ADK: variants seen among roughly 807,000 people sequenced by gnomAD.
ADK encodes the protein adenosine kinase, also known as N6,N6-dimethyladenosine kinase.
A neutral mutation model predicts 44.7 loss-of-function variants in ADK; 24 were observed. The observed-to-expected ratio is 0.54, with a 90% CI of 0.39 to 0.76. ADK has a LOEUF of 0.76. ADK is among the 30% of genes least tolerant of loss of function. ADK has a pLI of 0.00. For missense variants in ADK, 321 were observed against 425.1 expected (o/e 0.76, Z 2.15); for synonymous variants, 128 against 142.6 (o/e 0.90, Z 0.73).
chr10:74,236,341 TC>T (rs1844958304), intron 3 of ADK, among the ~76,000 whole-genome samples: 1 of 152,230 alleles, frequency 6.6e-6, no homozygotes, highest in Non-Finnish European at 1.5e-5. Context: ...TGTATTTTCT[TC>T]TAAGTAGATT....
At chr10:74,224,478 G>C in intron 2 of ADK, 60 bp from the exon 3 acceptor site, 1 of 1,388,306 alleles carries the variant, frequency 7.2e-7, no homozygotes, top group South Asian at 1.2e-5. Context: ...GAAGAGGTCA[G>C]CTAACTTACG....
chr10:74,159,707 C>T (rs1278014547), intron 1 of ADK, among the ~76,000 whole-genome samples: 1 of 152,158 alleles, frequency 6.6e-6, no homozygotes, highest in East Asian at 1.9e-4. Context: ...ACTCTCCTGC[C>T]TCAGCCTCCC....
intron 6 of ADK, among the ~76,000 whole-genome samples, chr10:74,406,674 TTTTTTA>T (rs57668113): frequency 1.3e-4 from 19 of 148,060 alleles, no homozygotes; most frequent in South Asian, 6.4e-4. Flanking sequence ...TTGTCTTTTC[TTTTTTA>T]TTTTTATTTT....
chr10:74,701,202 G>A (rs1397548127), intron 10 of ADK, among the ~76,000 whole-genome samples: 1 of 152,224 alleles, frequency 6.6e-6, no homozygotes, highest in East Asian at 1.9e-4. Flanking sequence ...ATGGGATGAG[G>A]AAAGGCAAGA....
chr10:74,199,084 A>G (rs1441753993), intron 1 of ADK, among the ~76,000 whole-genome samples: 1 of 152,220 alleles, frequency 6.6e-6, no homozygotes. Context: ...GATACATAAT[A>G]AGAGAATTAT....
intron 6 of ADK, among the ~76,000 whole-genome samples, chr10:74,473,219 T>C (rs1399443218): frequency 2.0e-5 from 3 of 148,220 alleles, no homozygotes; most frequent in African/African-American, 5.0e-5. Flanking sequence ...CACACACACA[T>C]ATAGAGAGAG....
intron 7 of ADK, among the ~76,000 whole-genome samples, chr10:74,539,796 C>T (rs920197804): frequency 6.6e-6 from 1 of 152,154 alleles, no homozygotes; most frequent in Non-Finnish European, 1.5e-5. Context: ...GGAACTGTAA[C>T]TTCGTAAAAT....
At chr10:74,559,176 G>A (rs1441024608) in intron 7 of ADK, among the ~76,000 whole-genome samples, 1 of 152,226 alleles carries the variant, frequency 6.6e-6, no homozygotes. Context: ...TGTCAGCACT[G>A]CTCCCTGACG....
At chr10:74,566,453 C>T (rs1321281253) in intron 7 of ADK, among the ~76,000 whole-genome samples, 2 of 152,112 alleles carry the variant, frequency 1.3e-5, no homozygotes, top group Non-Finnish European at 2.9e-5. Flanking sequence ...AGTCCTTCCT[C>T]AGTCTCCCAA....
At chr10:74,525,473 G>A (rs1211219520) in intron 7 of ADK, 47 bp downstream of exon 7, 1 of 1,417,962 alleles carries the variant, frequency 7.1e-7, no homozygotes, top group Non-Finnish European at 9.8e-7. Context: ...TTTTTTGTTT[G>A]TTTATTTCTG....
intron 6 of ADK, among the ~76,000 whole-genome samples, chr10:74,472,188 G>C (rs1351235735): frequency 1.3e-5 from 2 of 152,012 alleles, no homozygotes; most frequent in Non-Finnish European, 2.9e-5. Flanking sequence ...GGGTGATAGA[G>C]CAAGATCCCG....
intron 3 of ADK, among the ~76,000 whole-genome samples, chr10:74,277,043 G>C (rs1381339269): frequency 6.6e-6 from 1 of 151,232 alleles, no homozygotes; most frequent in Non-Finnish European, 1.5e-5. Context: ...TCAGCCTCCG[G>C]AGTAGCTGGG....
intron 3 of ADK, among the ~76,000 whole-genome samples, chr10:74,285,014 C>CT (rs922586769): frequency 6.6e-6 from 1 of 152,134 alleles, no homozygotes; most frequent in African/African-American, 2.4e-5. Context: ...TTTACTGGAA[C>CT]TTTTTTAAGT....
At chr10:74,327,710 A>G (rs2131838571) in intron 4 of ADK, among the ~76,000 whole-genome samples, 2 of 152,216 alleles carry the variant, frequency 1.3e-5, no homozygotes, top group South Asian at 4.2e-4. Context: ...ACATGTAACA[A>G]ACCTGCACAT....
At chr10:74,612,887 C>T (rs1852608124) in intron 9 of ADK, among the ~76,000 whole-genome samples, 2 of 151,982 alleles carry the variant, frequency 1.3e-5, no homozygotes, top group Admixed American at 1.3e-4. Flanking sequence ...ATTGAGTGTC[C>T]TTTCATCACT....
At chr10:74,455,308 A>G (rs962415320) in intron 6 of ADK, among the ~76,000 whole-genome samples, 11 of 152,094 alleles carry the variant, frequency 7.2e-5, no homozygotes, top group African/African-American at 2.7e-4. Context: ...GTTCAAGACC[A>G]GCTTGGGCAA....
At chr10:74,223,615 CTATT>C (rs992916686) in intron 2 of ADK, among the ~76,000 whole-genome samples, 2 of 151,866 alleles carry the variant, frequency 1.3e-5, no homozygotes, top group Non-Finnish European at 2.9e-5. Flanking sequence ...TGTTGTTTAT[CTATT>C]TCTGTGTACC....
intron 4 of ADK, among the ~76,000 whole-genome samples, chr10:74,325,058 A>G (rs969778737): frequency 6.6e-6 from 1 of 152,106 alleles, no homozygotes; most frequent in South Asian, 2.1e-4. Context: ...GAGAGGGTTT[A>G]CTTTGAATCT....
intron 2 of ADK, among the ~76,000 whole-genome samples, chr10:74,208,862 G>A (rs1026981612): frequency 4.6e-5 from 7 of 151,684 alleles, no homozygotes; most frequent in Non-Finnish European, 8.8e-5. Context: ...TCAGCTTCCC[G>A]AGTAGCTGGA....
Sources: allele counts gnomAD v4.1 joint callset (sites outside exome capture counted in the v4.1 genomes callset), GRCh38; gene constraint gnomAD v4.1.1; transcripts MANE v1.5; gene names NCBI Gene and HGNC (gene_info 2026-07-23, HGNC 2026-07-21).